PHF2: variants seen among roughly 807,000 people sequenced by gnomAD.
PHF2 encodes the protein lysine-specific demethylase PHF2.
Under a neutral mutation model 120.5 loss-of-function variants are expected in PHF2, and 27 were observed. That is an observed-to-expected ratio of 0.22 (90% confidence interval 0.17 to 0.31). The LOEUF (loss-of-function observed/expected upper bound fraction) is 0.31, where lower values mean the gene tolerates loss of function less well. Among genes scored for constraint, PHF2 ranks in the 10% least tolerant of loss-of-function variants. The pLI is 1.00. For synonymous variants in PHF2, 568 were observed against 592.5 expected (o/e 0.96, Z 0.60); for missense variants, 1,024 against 1,434.8 (o/e 0.71, Z 4.63).
chr9:93,673,700 G>C lies in PHF2; in HGVS notation c.2464G>C (p.Gly822Arg). The change falls in exon 18 of 22, where the codon GGG (glycine) becomes CGG (arginine). Residue 822 changes from glycine (G) to arginine (R), a missense_variant. By Grantham distance (125) the Gly-to-Arg change is moderately radical. This residue lies in a region of PHF2 where 677 missense variants were observed against 857.4 expected (regional missense o/e 0.79). Transcript: ENST00000359246. ...QTTWGAGQAK[G>R]SSLAAHGARK... ...CACGTGGGGAGCTGGCCAGGCCAAG[G>C]GGAGCTCGCTGGCTGCCCATGGTGC... 6.2e-7 allele frequency: 1 copy of C among 1,613,254 alleles called. No homozygotes were observed. The highest frequency in any genetic ancestry group is 8.5e-7 in the Non-Finnish European group (1 of 1,179,756).
intron 3 of PHF2, among the ~76,000 whole-genome samples, chr9:93,643,899 G>C (rs949095114): frequency 6.6e-6 from 1 of 151,856 alleles, no homozygotes; most frequent in African/African-American, 2.4e-5. Flanking sequence ...GCCTCTTCCT[G>C]TTCCCTCCCA....
intron 18 of PHF2, 122 bp downstream of exon 18, chr9:93,673,984 C>A (rs752767836): frequency 3.6e-6 from 4 of 1,113,630 alleles, no homozygotes; most frequent in African/African-American, 3.2e-5. Context: ...CTCAGCAAAA[C>A]CCTCGGCCTC....
At chr9:93,579,159 A>T (rs1234890825) in intron 1 of PHF2, among the ~76,000 whole-genome samples, 1 of 152,160 alleles carries the variant, frequency 6.6e-6, no homozygotes, top group African/African-American at 2.4e-5. Context: ...TTTTCTCATC[A>T]GTAAAATGAA....
In PHF2 at chr9:93,653,267, C is replaced by T; in HGVS notation, c.691C>T (p.Pro231Ser). 6.2e-7 allele frequency: 1 copy of T among 1,614,180 alleles called. No individual in the cohort carries two copies. Among genetic ancestry groups the T allele is most frequent in the East Asian group, 2.2e-5 (1 of 44,888 alleles). The change falls in exon 6 of 22, where the codon CCC (proline) becomes TCC (serine). Residue 231 changes from proline to serine, a missense_variant. Pro to Ser is a moderately conservative substitution (Grantham distance 74). Coordinates refer to ENST00000359246, the MANE Select transcript of PHF2 (RefSeq NM_005392.4). ...YWPDDALLAK[P>S]KVTKYCLICV... ...GCCAGATGATGCATTGCTGGCCAAG[C>T]CCAAAGTGACCAAGTACTGCCTAAT...
At chr9:93,590,541 T>G (rs78619366) in intron 1 of PHF2, among the ~76,000 whole-genome samples, 10,897 of 152,344 alleles carry the variant, frequency 0.072, 512 homozygotes, top group Non-Finnish European at 0.097. Context: ...TGACTCTTGT[T>G]GTGAGGCCAA....
At chr9:93,597,972 G>A (rs1276295805) in intron 1 of PHF2, among the ~76,000 whole-genome samples, 16 of 152,150 alleles carry the variant, frequency 1.1e-4, no homozygotes, top group Non-Finnish European at 1.9e-4. Context: ...TGATGGGCAG[G>A]GGTCCTCAGG....
intron 5 of PHF2, among the ~76,000 whole-genome samples, chr9:93,652,344 G>A (rs1472379021): frequency 1.3e-5 from 2 of 148,716 alleles, no homozygotes; most frequent in Non-Finnish European, 3.0e-5. Flanking sequence ...GCCCAGGCTG[G>A]AGGGCAGTGG....
rs1037282854 is a variant in PHF2, at chr9:93,678,715, G to T, written c.*1039G>T. On this transcript the variant is annotated 3_prime_UTR_variant, in exon 22 of 22. Transcript: ENST00000359246. ...AAGCATATTTTTCATAGAATGTAGC[G>T]TGTAAATAGCTTTTTAAATAACTTC... 1 of 152,686 alleles carries T rather than the reference G, an allele frequency of 6.5e-6. No homozygotes were observed. Among genetic ancestry groups the T allele is most frequent in the African/African-American group, 2.4e-5 (1 of 41,438 alleles). The allele number at this position is 152,686 out of a possible 1,614,324, so 9.5% of individuals were successfully genotyped here.
Position 93,645,888 on chromosome 9 carries a change from A to G in PHF2, c.460+99A>G, listed in dbSNP as rs2398854. ...GTTTCCCCACGCCCTGGCTGTGTCC[A>G]TGTGTGCCGTGAGCAGTGGAGCCTC... On this transcript the variant is annotated intron_variant, in intron 4 of 21. Coordinates refer to ENST00000359246, the MANE Select transcript of PHF2 (RefSeq NM_005392.4). 4.4e-6 allele frequency: 6 copies of G among 1,358,884 alleles called. No homozygotes were observed. In the African/African-American group the frequency reaches 8.8e-5, roughly 20 times the overall value. The allele number at this position is 1,358,884 out of a possible 1,614,324, so 84.2% of individuals were successfully genotyped here.
In PHF2 at chr9:93,677,589, A is replaced by G. The variant is rs1326639169; in HGVS notation, c.3204A>G (p.Gly1068=). 1.2e-6 allele frequency: 2 copies of G among 1,613,170 alleles called. No individual in the cohort carries two copies. The highest frequency in any genetic ancestry group is 1.7e-6 in the Non-Finnish European group (2 of 1,179,636). The change falls in exon 22 of 22, where the codon GGA becomes GGG. Residue 1068 remains glycine (G), a splice_region_variant and synonymous_variant. Coordinates refer to ENST00000359246, the MANE Select transcript of PHF2 (RefSeq NM_005392.4). This position sits in a 1 kb window ranked among gnomAD's most constrained non-coding sequence, Gnocchi z 4.4. The part of the protein sequence containing the change: ...SSPNNNTAAK[G]KRTKKGMATA... Reference sequence around the variant, plus strand: ...GTGTCCCCTCCCCGACTCCCCTAGGAAAACGTACGAAAAAGGGCATGGCGA... The same window carrying G: ...GTGTCCCCTCCCCGACTCCCCTAGGGAAACGTACGAAAAAGGGCATGGCGA...
chr9:93,655,691 C>T lies in PHF2; in HGVS notation c.953-243C>T, dbSNP rs546399343. Among the ~76,000 whole-genome samples, 4 of 152,240 alleles carry T rather than the reference C, an allele frequency of 2.6e-5. No homozygotes were observed. The South Asian group carries it at 6.2e-4, about 24-fold the overall frequency. Reference sequence around the variant, plus strand: ...TGCTGTCTCAGACACAGCCTCTCCCCCGACCCCCTTCCATGGAGGCTGGGG... The same window carrying T: ...TGCTGTCTCAGACACAGCCTCTCCCTCGACCCCCTTCCATGGAGGCTGGGG... On this transcript the variant is annotated intron_variant, in intron 7 of 21. Transcript: ENST00000359246.
chr9:93,629,101 A>G (rs1056236193), intron 1 of PHF2, among the ~76,000 whole-genome samples: 3 of 152,038 alleles, frequency 2.0e-5, no homozygotes, highest in Admixed American at 6.6e-5. Flanking sequence ...GGGTTTCACC[A>G]TGTTGGCCAG....
chr9:93,641,982 T>A (rs778192627), intron 3 of PHF2, among the ~76,000 whole-genome samples: 5 of 152,218 alleles, frequency 3.3e-5, no homozygotes, highest in African/African-American at 7.2e-5. Flanking sequence ...AGGAAGAACT[T>A]TATTCTTTTG....
chr9:93,585,849 G>C (rs1161388640), intron 1 of PHF2, among the ~76,000 whole-genome samples: 1 of 152,254 alleles, frequency 6.6e-6, no homozygotes, highest in South Asian at 2.1e-4. Flanking sequence ...TGGGCCATTG[G>C]AAAGAGTAGT....
At chr9:93,667,017 A>G in intron 16 of PHF2, 63 bp from the exon 17 acceptor site, 1 of 1,444,928 alleles carries the variant, frequency 6.9e-7, no homozygotes, top group Non-Finnish European at 9.2e-7. Context: ...CCTCCTCCCA[A>G]CTCCCAGGCC....
rs753343889 is a variant in PHF2, at chr9:93,673,689, G to A, written c.2453G>A (p.Gly818Asp). ...DSCLQTTWGA[G>D]QAKGSSLAAH... ...TGCCTGCAGACCACGTGGGGAGCTG[G>A]CCAGGCCAAGGGGAGCTCGCTGGCT... is the stretch of plus-strand genomic sequence containing the variant. The change falls in exon 18 of 22, where the codon GGC (glycine) becomes GAC (aspartate). Residue 818 changes from glycine to aspartate, a missense_variant. Around this residue, in one of 2 missense-constraint regions of PHF2, gnomAD observed 677 missense variants for 857.4 expected, o/e 0.79. Transcript: ENST00000359246. 1.2e-6 allele frequency: 2 copies of A among 1,613,096 alleles called. No individual in the cohort carries two copies. The highest frequency in any genetic ancestry group is 3.3e-5 in the Admixed American group (2 of 59,990).
At position 93,656,608 on chromosome 9, in the gene PHF2, C is replaced by A. The variant is rs946711603; in HGVS notation, c.1147+13C>A. On this transcript the variant is annotated intron_variant, in intron 9 of 21. Transcript: ENST00000359246. This position sits in a 1 kb window ranked among gnomAD's most constrained non-coding sequence, Gnocchi z 4.1. ...GAGGCATTCAAAGGTACTGGTCACT[C>A]CGGGGTGGGCGTCCAAGCCTGGGGC... is the stretch of plus-strand genomic sequence containing the variant. 3.2e-6 allele frequency: 5 copies of A among 1,585,222 alleles called. No homozygotes were observed. The African/African-American group carries it at 6.7e-5, about 21-fold the overall frequency.
rs769121488 is a variant in PHF2 at position 93,630,000 on chromosome 9, C to T, written c.129C>T (p.Pro43=). 25 of 1,613,828 alleles carry T rather than the reference C, an allele frequency of 1.5e-5. No homozygotes were observed. The highest frequency in any genetic ancestry group is 1.9e-5 in the Non-Finnish European group (22 of 1,180,018). The change falls in exon 2 of 22, where the codon CCC becomes CCT. Residue 43 remains proline, a synonymous_variant. Transcript: ENST00000359246. ...SCVGVEEEEA[P]DIDIYHCPNC... is the part of the protein sequence containing the mutation. ...TTGGGGTGGAAGAGGAGGAGGCGCC[C>T]GACATCGACATATACCACTGCCCAA...
intron 1 of PHF2, among the ~76,000 whole-genome samples, chr9:93,615,204 G>GGTGATAGTGATGGTGATGGTGATA (rs543751673): frequency 4.0e-5 from 6 of 148,728 alleles, no homozygotes; most frequent in Non-Finnish European, 7.4e-5. Flanking sequence ...TGATGATGAT[G>GGTGATAGTGATGGTGATGGTGATA]GTGATGGTGA....
Sources: allele counts gnomAD v4.1 joint callset (sites outside exome capture counted in the v4.1 genomes callset), GRCh38; gene constraint gnomAD v4.1.1; regional missense constraint gnomAD v4.1.1; non-coding constraint Gnocchi (gnomAD v3.1); transcripts MANE v1.5; gene names NCBI Gene and HGNC (gene_info 2026-07-23, HGNC 2026-07-21).